Variants in RELN observed in about 807,000 individuals in gnomAD.
The protein encoded by RELN is reelin.
A neutral mutation model predicts 427.6 loss-of-function variants in RELN; 108 were observed. The observed-to-expected ratio is 0.25, with a 90% CI of 0.22 to 0.30. RELN has a LOEUF of 0.30. Among genes scored for constraint, RELN ranks in the 10% least tolerant of loss-of-function variants. The pLI, the probability that RELN is intolerant of heterozygous loss-of-function variation, is 1.00. For missense variants in RELN, 3,715 were observed against 4,302.8 expected (o/e 0.86, Z 3.82); for synonymous variants, 1,524 against 1,513.4 (o/e 1.01, Z -0.16).
chr7:103,876,302 T>A (rs1457291055), intron 2 of RELN, among the ~76,000 whole-genome samples: 1 of 152,156 alleles, frequency 6.6e-6, no homozygotes, highest in Non-Finnish European at 1.5e-5. Flanking sequence ...TGAAAGGCCA[T>A]ACACAAGGGG....
intron 4 of RELN, among the ~76,000 whole-genome samples, chr7:103,774,981 G>T (rs1791702355): frequency 6.6e-6 from 1 of 151,832 alleles, no homozygotes; most frequent in Non-Finnish European, 1.5e-5. Context: ...TTTTCCCATT[G>T]GTTTTTCTTG....
intron 1 of RELN, among the ~76,000 whole-genome samples, chr7:103,962,876 G>A (rs11764507): frequency 0.16 from 24,989 of 152,070 alleles, 2,129 homozygotes; most frequent in Middle Eastern, 0.29. Flanking sequence ...GAAATATTTT[G>A]AATATGCCTG....
At chr7:103,737,195 C>T (rs563896865) in intron 6 of RELN, among the ~76,000 whole-genome samples, 4 of 152,190 alleles carry the variant, frequency 2.6e-5, no homozygotes, top group African/African-American at 9.6e-5. Flanking sequence ...TTTATTGTGT[C>T]TGATTTTTTT....
intron 6 of RELN, among the ~76,000 whole-genome samples, chr7:103,749,069 G>A (rs1187936738): frequency 6.6e-6 from 1 of 152,098 alleles, no homozygotes; most frequent in Non-Finnish European, 1.5e-5. Flanking sequence ...TTATTTGGAA[G>A]TATGACTCAA....
intron 1 of RELN, among the ~76,000 whole-genome samples, chr7:103,961,973 A>C (rs993240819): frequency 2.0e-5 from 3 of 152,142 alleles, no homozygotes; most frequent in African/African-American, 4.8e-5. Flanking sequence ...TTGTTTTAAA[A>C]GTTTTAGGGG....
At chr7:103,664,787 A>G (rs942739776) in intron 11 of RELN, among the ~76,000 whole-genome samples, 1 of 152,198 alleles carries the variant, frequency 6.6e-6, no homozygotes, top group South Asian at 2.1e-4. Flanking sequence ...TGAGTTGCCT[A>G]TTTATGTCCA....
chr7:103,747,642 C>CT (rs541976561), intron 6 of RELN, among the ~76,000 whole-genome samples: 2,892 of 123,818 alleles, frequency 0.023, 43 homozygotes, highest in South Asian at 0.046. Context: ...CCTACTCTCA[C>CT]TTTTTTTTTT....
intron 3 of RELN, among the ~76,000 whole-genome samples, chr7:103,779,420 T>C (rs1164569291): frequency 1.3e-5 from 2 of 152,120 alleles, no homozygotes; most frequent in Non-Finnish European, 2.9e-5. Context: ...CTAACAACTA[T>C]TATGAATTGA....
At chr7:103,883,355 C>A (rs1474682586) in intron 2 of RELN, among the ~76,000 whole-genome samples, 1 of 152,208 alleles carries the variant, frequency 6.6e-6, no homozygotes, top group East Asian at 1.9e-4. Context: ...TGGAAGCATT[C>A]CCTTTGAAAA....
At chr7:103,531,767 T>TA (rs3831558) in intron 46 of RELN, among the ~76,000 whole-genome samples, 6,949 of 151,626 alleles carry the variant, frequency 0.046, 236 homozygotes, top group East Asian at 0.17. Context: ...ATTACAAAAG[T>TA]AAAAAAAACA....
intron 2 of RELN, among the ~76,000 whole-genome samples, chr7:103,836,209 C>G (rs2116417002): frequency 6.6e-6 from 1 of 152,272 alleles, no homozygotes; most frequent in South Asian, 2.1e-4. Context: ...ATCCACCCAC[C>G]TTGGCCTCCC....
intron 7 of RELN, among the ~76,000 whole-genome samples, chr7:103,725,812 CA>C (rs1790196976): frequency 6.6e-6 from 1 of 152,032 alleles, no homozygotes; most frequent in African/African-American, 2.4e-5. Context: ...TAAAAAGAAA[CA>C]AAAACTTGTG....
chr7:103,673,343 A>G (rs938996236), intron 11 of RELN, among the ~76,000 whole-genome samples: 1 of 152,094 alleles, frequency 6.6e-6, no homozygotes, highest in Non-Finnish European at 1.5e-5. Flanking sequence ...ATTAAGAGTT[A>G]ACCAAGATCT....
chr7:103,516,226 C>A (rs1829563768), intron 49 of RELN, among the ~76,000 whole-genome samples: 1 of 151,862 alleles, frequency 6.6e-6, no homozygotes, highest in Admixed American at 6.6e-5. Context: ...ATATTCATAA[C>A]TCATAAAATC....
chr7:103,594,471 T>A lies in RELN; in HGVS notation c.3561A>T (p.Pro1187=), dbSNP rs762114256. The change falls in exon 26 of 65, where the codon CCA becomes CCT. Residue 1187 remains proline, a synonymous_variant. Transcript: ENST00000428762. ...SKPRFVYLEL[P]AAAKTPCTRF... The stretch of plus-strand genomic sequence containing the variant: ...TGGTGCAAGGGGTCTTGGCAGCAGC[T>A]GGAAGCTCCAGATAGACAAATCTGA... 6.2e-7 allele frequency: 1 copy of A among 1,613,784 alleles called. No individual in the cohort carries two copies. Among genetic ancestry groups the A allele is most frequent in the Non-Finnish European group, 8.5e-7 (1 of 1,179,890 alleles).
intron 2 of RELN, among the ~76,000 whole-genome samples, chr7:103,850,249 A>C (rs1793790025): frequency 6.6e-6 from 1 of 152,240 alleles, no homozygotes; most frequent in African/African-American, 2.4e-5. Context: ...AGGACCCAGG[A>C]GACACCCCAA....
At chr7:103,931,727 C>T (rs974756408) in intron 1 of RELN, among the ~76,000 whole-genome samples, 6 of 152,156 alleles carry the variant, frequency 3.9e-5, no homozygotes, top group African/African-American at 9.7e-5. Context: ...AATGTCAATT[C>T]GCACAGGATG....
At chr7:103,955,794 T>A (rs907023812) in intron 1 of RELN, among the ~76,000 whole-genome samples, 2 of 152,214 alleles carry the variant, frequency 1.3e-5, no homozygotes, top group Admixed American at 1.3e-4. Flanking sequence ...CTGGTAATTA[T>A]GCAGGGACAG....
chr7:103,619,430 G>C (rs976351964), intron 20 of RELN, among the ~76,000 whole-genome samples: 1 of 152,062 alleles, frequency 6.6e-6, no homozygotes, highest in Non-Finnish European at 1.5e-5. Context: ...TTTTCAGCCC[G>C]GCCACTTGCC....
Sources: allele counts gnomAD v4.1 joint callset (sites outside exome capture counted in the v4.1 genomes callset), GRCh38; gene constraint gnomAD v4.1.1; transcripts MANE v1.5; gene names NCBI Gene and HGNC (gene_info 2026-07-23, HGNC 2026-07-21).